Variants in SAP30BP observed in about 807,000 individuals in gnomAD.
SAP30BP encodes SAP30 binding protein, also known as SAP30-binding protein.
A neutral mutation model predicts 46.3 loss-of-function variants in SAP30BP; 31 were observed. The observed-to-expected ratio is 0.67, with a 90% confidence interval of 0.50 to 0.90. SAP30BP has a LOEUF of 0.90. Ranked by LOEUF, SAP30BP falls within the 40% of genes least tolerant of loss-of-function variation. The probability of loss-of-function intolerance (pLI) is 0.00; values close to 1 mark genes in which losing one functional copy is unlikely to be tolerated. For synonymous variants in SAP30BP, 169 were observed against 144.2 expected (o/e 1.17, Z -1.23); for missense variants, 312 against 391.0 (o/e 0.80, Z 1.70).
intron 2 of SAP30BP, among the ~76,000 whole-genome samples, chr17:75,670,625 C>G (rs531052377): frequency 3.3e-5 from 5 of 152,274 alleles, no homozygotes; most frequent in African/African-American, 1.2e-4. Context: ...TAGTAAAATC[C>G]TCTCATCAGA....
intron 3 of SAP30BP, chr17:75,692,594 A>C: frequency 1.2e-6 from 1 of 818,238 alleles, no homozygotes; most frequent in South Asian, 5.6e-5. Context: ...GAGGGCTTGG[A>C]CCGTGGCTTT....
chr17:75,688,238 G>T (rs2060190904), intron 3 of SAP30BP, among the ~76,000 whole-genome samples: 1 of 152,200 alleles, frequency 6.6e-6, no homozygotes, highest in Admixed American at 6.5e-5. Flanking sequence ...CTCAAGGCTC[G>T]TGGGCCACAG....
At chr17:75,670,571 C>T (rs1334627073) in intron 2 of SAP30BP, among the ~76,000 whole-genome samples, 3 of 152,108 alleles carry the variant, frequency 2.0e-5, no homozygotes, top group African/African-American at 4.8e-5. Flanking sequence ...TTCATATTTG[C>T]TTTGCTTAGA....
chr17:75,668,687 A>T, intron 2 of SAP30BP, 62 bp downstream of exon 2: 2 of 1,134,894 alleles, frequency 1.8e-6, no homozygotes, highest in Non-Finnish European at 2.6e-6. Flanking sequence ...AGATTTTGGA[A>T]CTGTGCCAAC....
At chr17:75,704,563 C>G (rs1437557428) in intron 8 of SAP30BP, among the ~76,000 whole-genome samples, 193 bp from the exon 9 acceptor site, 1 of 152,240 alleles carries the variant, frequency 6.6e-6, no homozygotes, top group African/African-American at 2.4e-5. Flanking sequence ...ACAGGGCATG[C>G]AGCCCGCCAG....
At chr17:75,692,458 G>A (rs1682547910) in intron 3 of SAP30BP, 1 of 985,488 alleles carries the variant, frequency 1.0e-6, no homozygotes, top group Non-Finnish European at 1.2e-6. Flanking sequence ...AGCACGTGTG[G>A]CCCTTGAGAT....
chr17:75,705,159 C>G (rs150719987), intron 9 of SAP30BP: 12 of 301,204 alleles, frequency 4.0e-5, no homozygotes, highest in African/African-American at 2.0e-4. Context: ...GCCCAGCTTG[C>G]GCTGCTCGGT....
intron 3 of SAP30BP, chr17:75,692,403 G>C (rs1054474294): frequency 6.1e-6 from 6 of 985,328 alleles, no homozygotes; most frequent in Non-Finnish European, 7.2e-6. Flanking sequence ...AAGACATGGC[G>C]TCCAGCAACT....
intron 6 of SAP30BP, 30 bp from the exon 7 acceptor site, chr17:75,703,281 G>T (rs1208341316): frequency 1.2e-6 from 2 of 1,611,824 alleles, no homozygotes; most frequent in South Asian, 1.1e-5. Flanking sequence ...GTGGACTTGT[G>T]CCTGCTCAGC....
chr17:75,706,517 A>T lies in SAP30BP; in HGVS notation c.923A>T (p.Gln308Leu). Reference sequence around the variant, plus strand: ...GGCACCATTGTGAAGAAGGCCAAGCAGTGACCTGAGGGGCCACCCTAGGAC... The same window carrying T: ...GGCACCATTGTGAAGAAGGCCAAGCTGTGACCTGAGGGGCCACCCTAGGAC... Reference protein sequence around the residue: ...AVGTIVKKAKQ With the variant: ...AVGTIVKKAKL The change falls in exon 11 of 11, where the codon CAG becomes CTG. Residue 308 changes from glutamine (Q) to leucine (L), a missense_variant. Coordinates refer to ENST00000584667, the MANE Select transcript of SAP30BP (RefSeq NM_013260.8). The surrounding 1 kb of genome is among the most constrained non-coding windows in gnomAD (Gnocchi z 4.6). 1.2e-6 allele frequency: 2 copies of T among 1,613,978 alleles called. No individual in the cohort carries two copies. The highest frequency in any genetic ancestry group is 8.5e-7 in the Non-Finnish European group (1 of 1,179,978).
rs569933918 is a variant in SAP30BP at position 75,669,401 on chromosome 17, C to T, written c.216+776C>T. On this transcript the variant is annotated intron_variant, in intron 2 of 10. Transcript: ENST00000584667. ...CTGGGATTACAGACACCTGCCATCA[C>T]GCCTGGCTAATTTTTGTATTTTTCA... 3.9e-5 allele frequency among the ~76,000 whole-genome samples: 6 copies of T among 152,208 alleles called. No homozygotes were observed. The East Asian group carries it at 5.8e-4, about 15-fold the overall frequency.
At chr17:75,667,737 G>C (rs540185485) in intron 1 of SAP30BP, among the ~76,000 whole-genome samples, 2 of 152,352 alleles carry the variant, frequency 1.3e-5, no homozygotes, top group African/African-American at 4.8e-5. Flanking sequence ...AGGGATGGAC[G>C]AAGAGGGAGC....
At chr17:75,702,365 G>A (rs1246160956) in intron 5 of SAP30BP, 115 bp from the exon 6 acceptor site, 1 of 539,110 alleles carries the variant, frequency 1.9e-6, no homozygotes, top group East Asian at 3.0e-5. Flanking sequence ...GTTGGGCTTT[G>A]CCTGACTGGA....
intron 3 of SAP30BP, among the ~76,000 whole-genome samples, chr17:75,686,503 G>A (rs1026106875): frequency 2.2e-4 from 33 of 151,382 alleles, no homozygotes; most frequent in Non-Finnish European, 4.4e-5. Flanking sequence ...GCAACAGAGC[G>A]GGACTCCATC....
At chr17:75,674,735 TCTC>T (rs2059964567) in intron 3 of SAP30BP, among the ~76,000 whole-genome samples, 1 of 114,132 alleles carries the variant, frequency 8.8e-6, no homozygotes, top group Non-Finnish European at 1.7e-5. Context: ...TGAGGTGGAG[TCTC>T]CTCTGTCGCC....
At chr17:75,693,063 GC>G (rs1039956970) in intron 3 of SAP30BP, 2 of 175,782 alleles carry the variant, frequency 1.1e-5, no homozygotes, top group African/African-American at 4.7e-5. Flanking sequence ...GGCTGGCCGG[GC>G]CCTTGAGCTC....
At chr17:75,701,101 C>T (rs1473677343) in intron 5 of SAP30BP, among the ~76,000 whole-genome samples, 4 of 152,168 alleles carry the variant, frequency 2.6e-5, no homozygotes, top group Admixed American at 2.0e-4. Flanking sequence ...TTCAGCTCTG[C>T]TCTGGCCAGT....
chr17:75,705,495 C>A, intron 9 of SAP30BP: 1 of 402,458 alleles, frequency 2.5e-6, no homozygotes, highest in Non-Finnish European at 3.4e-6. Flanking sequence ...TCTGGAGGTG[C>A]TGGCTGCTGG....
At chr17:75,690,611 G>T in intron 3 of SAP30BP, 1 of 450,828 alleles carries the variant, frequency 2.2e-6, no homozygotes, top group South Asian at 1.6e-5. Flanking sequence ...GAGCCACTGC[G>T]CCTGACCAAG....
Sources: allele counts gnomAD v4.1 joint callset (sites outside exome capture counted in the v4.1 genomes callset), GRCh38; gene constraint gnomAD v4.1.1; non-coding constraint Gnocchi (gnomAD v3.1); transcripts MANE v1.5; gene names NCBI Gene and HGNC (gene_info 2026-07-23, HGNC 2026-07-21).